Variants in OSBPL3 observed in about 807,000 individuals in gnomAD.
OSBPL3 encodes oxysterol binding protein like 3, also known as oxysterol-binding protein-related protein 3.
Under a neutral mutation model 120.1 loss-of-function variants are expected in OSBPL3, and 65 were observed. That is an observed-to-expected ratio of 0.54 (90% CI 0.44 to 0.67). OSBPL3 has a LOEUF of 0.67. Among genes scored for constraint, OSBPL3 ranks in the 30% least tolerant of loss-of-function variants. OSBPL3 has a pLI of 0.00. For synonymous variants in OSBPL3, 416 were observed against 402.6 expected (o/e 1.03, Z -0.40); for missense variants, 1,004 against 1,082.1 (o/e 0.93, Z 1.01).
In OSBPL3 at chr7:24,854,518, A is replaced by G. The variant is rs1217765210; in HGVS notation, c.1028-1884T>C. ...CACACACACGCACACACACACACAC[A>G]CACACACACACACACACACAAACAC... On this transcript the variant is annotated intron_variant, in intron 10 of 22. Transcript: ENST00000313367. The surrounding 1 kb of genome is among the most constrained non-coding windows in gnomAD (Gnocchi z 4.1). 2.0e-5 allele frequency among the ~76,000 whole-genome samples: 3 copies of G among 149,570 alleles called. No individual in the cohort carries two copies. The highest frequency in any genetic ancestry group is 1.3e-4 in the Admixed American group (2 of 14,928).
In OSBPL3 at chr7:24,942,588, G is replaced by C. The variant is rs150454514; in HGVS notation, c.-150+37298C>G. On this transcript the variant is annotated intron_variant, in intron 1 of 22. Coordinates refer to ENST00000313367, the MANE Select transcript of OSBPL3 (RefSeq NM_015550.4). ...ATTAGGACAAATGCAAAGTATGAAA[G>C]CTTCTGTGTTTCTATGGTGATGGCC... Among the ~76,000 whole-genome samples, 8 of 152,312 alleles carry C rather than the reference G, an allele frequency of 5.3e-5. No individual in the cohort carries two copies. In the East Asian group the frequency reaches 1.3e-3, roughly 26 times the overall value.
chr7:24,891,269 T>C lies in OSBPL3; in HGVS notation c.96+1108A>G, dbSNP rs1805311397. On this transcript the variant is annotated intron_variant, in intron 2 of 22. Coordinates refer to ENST00000313367, the MANE Select transcript of OSBPL3 (RefSeq NM_015550.4). This position sits in a 1 kb window ranked among gnomAD's most constrained non-coding sequence, Gnocchi z 4.1. Reference sequence around the variant, plus strand: ...ATGACAGTGCTGACAAAATTCTCCTTAACCCCTCAGGGGAGATCCTGGAGG... The same window carrying C: ...ATGACAGTGCTGACAAAATTCTCCTCAACCCCTCAGGGGAGATCCTGGAGG... Among the ~76,000 whole-genome samples the C allele has an allele frequency of 6.6e-6, 1 of 152,114 alleles. No homozygotes were observed. The highest frequency in any genetic ancestry group is 6.6e-5 in the Admixed American group (1 of 15,264).
intron 11 of OSBPL3, among the ~76,000 whole-genome samples, chr7:24,850,588 G>C (rs1799026648): frequency 6.6e-6 from 1 of 152,274 alleles, no homozygotes; most frequent in East Asian, 1.9e-4. Flanking sequence ...AGAGCATATG[G>C]GTTATTTGAA....
In OSBPL3 at chr7:24,892,560, G is replaced by T. The variant is rs755889747; in HGVS notation, c.-88C>A. 60 of 1,521,006 alleles carry T rather than the reference G, an allele frequency of 3.9e-5. No homozygotes were observed. In the Middle Eastern group the frequency reaches 1.0e-3, roughly 26 times the overall value. The allele number at this position is 1,521,006 out of a possible 1,614,324, so 94.2% of individuals were successfully genotyped here. On this transcript the variant is annotated 5_prime_UTR_variant, in exon 2 of 23. Coordinates refer to ENST00000313367, the MANE Select transcript of OSBPL3 (RefSeq NM_015550.4). ...GTATGGAAGTCCCCAGTGGCAGGTG[G>T]TTTAGCTCTTATCCAAAGTATTTAA...
chr7:24,851,111 G>A lies in OSBPL3; in HGVS notation c.1158+1393C>T, dbSNP rs1319354004. On this transcript the variant is annotated intron_variant, in intron 11 of 22. Transcript: ENST00000313367. The surrounding 1 kb of genome is among the most constrained non-coding windows in gnomAD (Gnocchi z 4.1). ...AGGGAGAGGAAGATCATGGGGAGAGGGACCTTGGAAGCCCATCAGAGATAC... is the reference window on the plus strand; with the variant it reads ...AGGGAGAGGAAGATCATGGGGAGAGAGACCTTGGAAGCCCATCAGAGATAC... 6.6e-6 allele frequency among the ~76,000 whole-genome samples: 1 copy of A among 152,074 alleles called. No individual in the cohort carries two copies. Among genetic ancestry groups the A allele is most frequent in the Admixed American group, 6.6e-5 (1 of 15,264 alleles).
intron 1 of OSBPL3, among the ~76,000 whole-genome samples, chr7:24,935,739 G>A (rs1812328015): frequency 6.6e-6 from 1 of 151,762 alleles, no homozygotes; most frequent in Non-Finnish European, 1.5e-5. Context: ...GGTGGGGTGG[G>A]GGAACACCAA....
chr7:24,936,548 A>C lies in OSBPL3; in HGVS notation c.-150+43338T>G, dbSNP rs1812447075. On this transcript the variant is annotated intron_variant, in intron 1 of 22. Coordinates refer to ENST00000313367, the MANE Select transcript of OSBPL3 (RefSeq NM_015550.4). The surrounding 1 kb of genome is among the most constrained non-coding windows in gnomAD (Gnocchi z 4.2). ...TGTCTAGGAGTGGGAAAGCAGAATG[A>C]CTCTGAGAAAGGAAGGACCCTAGCT... 6.6e-6 allele frequency among the ~76,000 whole-genome samples: 1 copy of C among 152,108 alleles called. No homozygotes were observed. The highest frequency in any genetic ancestry group is 1.5e-5 in the Non-Finnish European group (1 of 68,012).
At chr7:24,874,555 C>T (rs944001198) in intron 2 of OSBPL3, among the ~76,000 whole-genome samples, 2 of 152,108 alleles carry the variant, frequency 1.3e-5, no homozygotes, top group East Asian at 3.9e-4. Flanking sequence ...CCTGTTAGAA[C>T]TGGACTGTTC....
chr7:24,903,739 C>T (rs547951583), intron 1 of OSBPL3, among the ~76,000 whole-genome samples: 1 of 152,270 alleles, frequency 6.6e-6, no homozygotes, highest in Admixed American at 6.5e-5. Flanking sequence ...ATGCTGAGTC[C>T]CTCCTCCTGG....
In OSBPL3 at chr7:24,891,024, G is replaced by A. The variant is rs909735518; in HGVS notation, c.96+1353C>T. 6.6e-6 allele frequency among the ~76,000 whole-genome samples: 1 copy of A among 152,058 alleles called. No individual in the cohort carries two copies. The highest frequency in any genetic ancestry group is 1.5e-5 in the Non-Finnish European group (1 of 68,022). On this transcript the variant is annotated intron_variant, in intron 2 of 22. Transcript: ENST00000313367. This position sits in a 1 kb window ranked among gnomAD's most constrained non-coding sequence, Gnocchi z 4.1. ...TCAAAGAAGGACATAACAACCCCTA[G>A]GTGTAAGGAAGATGGCGCAGGTAGG...
intron 17 of OSBPL3, 140 bp from the exon 18 acceptor site, chr7:24,816,828 A>C: frequency 1.6e-6 from 1 of 644,536 alleles, no homozygotes; most frequent in South Asian, 1.9e-5. Flanking sequence ...ATAACTTTTC[A>C]TAAAATATAA....
At position 24,871,833 on chromosome 7, in the gene OSBPL3, T is replaced by C; in HGVS notation, c.214-38A>G. 7 of 1,538,356 alleles carry C rather than the reference T, an allele frequency of 4.6e-6. No homozygotes were observed. The highest frequency in any genetic ancestry group is 6.3e-6 in the Non-Finnish European group (7 of 1,111,968). On this transcript the variant is annotated intron_variant, in intron 3 of 22. Transcript: ENST00000313367. This position sits in a 1 kb window ranked among gnomAD's most constrained non-coding sequence, Gnocchi z 4.8. ...AAGTATTATTAATTAAGGCATTCAA[T>C]TTAGGTGCCCTTTTCTTGGTCTCAA...
chr7:24,908,967 T>C (rs1226156381), intron 1 of OSBPL3, among the ~76,000 whole-genome samples: 1 of 152,254 alleles, frequency 6.6e-6, no homozygotes, highest in African/African-American at 2.4e-5. Context: ...GTGCTGTAGT[T>C]ACTTTGCGTG....
chr7:24,970,381 T>C (rs907744572), intron 1 of OSBPL3, among the ~76,000 whole-genome samples: 7 of 152,288 alleles, frequency 4.6e-5, no homozygotes, highest in Middle Eastern at 3.4e-3. Context: ...GCTGGGATTA[T>C]AGGCGTGAGC....
Position 24,803,880 on chromosome 7 carries a change from C to G in OSBPL3, c.2567+435G>C, listed in dbSNP as rs796707150. 5.3e-5 allele frequency among the ~76,000 whole-genome samples: 8 copies of G among 152,112 alleles called. No individual in the cohort carries two copies. The highest frequency in any genetic ancestry group is 1.9e-4 in the African/African-American group (8 of 41,416). On this transcript the variant is annotated intron_variant, in intron 22 of 22. Transcript: ENST00000313367. This position sits in a 1 kb window ranked among gnomAD's most constrained non-coding sequence, Gnocchi z 4.2. ...ACTGGAACTTCTACAATGCAAGAAA[C>G]AGACTGCTTGGAATTTCCATACTGC...
rs932058150 is a variant in OSBPL3, at chr7:24,979,787, G to C, written c.-150+99C>G. Reference sequence around the variant, plus strand: ...CTCGGACAGACCCCGGTCCGGCAGAGAACCGCGGCGCCCCGCAAACAGCAG... The same window carrying C: ...CTCGGACAGACCCCGGTCCGGCAGACAACCGCGGCGCCCCGCAAACAGCAG... On this transcript the variant is annotated intron_variant, in intron 1 of 22. Coordinates refer to ENST00000313367, the MANE Select transcript of OSBPL3 (RefSeq NM_015550.4). 7 of 665,766 alleles carry C rather than the reference G, an allele frequency of 1.1e-5. No individual in the cohort carries two copies. The South Asian group carries it at 2.6e-4, about 25-fold the overall frequency. 41.2% of individuals were successfully genotyped at this position (665,766 alleles called of 1,614,324 possible).
chr7:24,915,057 T>C (rs1291387270), intron 1 of OSBPL3, among the ~76,000 whole-genome samples: 1 of 152,198 alleles, frequency 6.6e-6, no homozygotes, highest in East Asian at 1.9e-4. Context: ...TCTACTATCT[T>C]CAGATGGCAA....
rs925140542 is a variant in OSBPL3, at chr7:24,879,883, A to G, written c.97-7814T>C. Among the ~76,000 whole-genome samples the G allele has an allele frequency of 2.6e-5, 4 of 152,148 alleles. No individual in the cohort carries two copies. Among genetic ancestry groups the G allele is most frequent in the Non-Finnish European group, 5.9e-5 (4 of 68,030 alleles). ...TTTGGCATGTTTTTAGGCCCCTCAG[A>G]TATATTGGGAAGCCATTAATATTTG... On this transcript the variant is annotated intron_variant, in intron 2 of 22. Transcript: ENST00000313367. The surrounding 1 kb of genome is among the most constrained non-coding windows in gnomAD (Gnocchi z 5.6).
In OSBPL3 at chr7:24,883,721, C is replaced by A. The variant is rs1232836001; in HGVS notation, c.96+8656G>T. 6.6e-6 allele frequency among the ~76,000 whole-genome samples: 1 copy of A among 152,166 alleles called. No individual in the cohort carries two copies. Among genetic ancestry groups the A allele is most frequent in the Non-Finnish European group, 1.5e-5 (1 of 68,040 alleles). Reference sequence around the variant, plus strand: ...GAAGTGTTTTAAGATTTCAGTTTCTCGTGATCTTCAGAGTGTGGAATGCAG... The same window carrying A: ...GAAGTGTTTTAAGATTTCAGTTTCTAGTGATCTTCAGAGTGTGGAATGCAG... On this transcript the variant is annotated intron_variant, in intron 2 of 22. Transcript: ENST00000313367. This position sits in a 1 kb window ranked among gnomAD's most constrained non-coding sequence, Gnocchi z 5.4.
Sources: allele counts gnomAD v4.1 joint callset (sites outside exome capture counted in the v4.1 genomes callset), GRCh38; gene constraint gnomAD v4.1.1; non-coding constraint Gnocchi (gnomAD v3.1); transcripts MANE v1.5; gene names NCBI Gene and HGNC (gene_info 2026-07-23, HGNC 2026-07-21).